Variants in CNTNAP3 observed in about 807,000 individuals in gnomAD.
CNTNAP3 encodes contactin associated protein family member 3.
Under a neutral mutation model 92.1 loss-of-function variants are expected in CNTNAP3, and 36 were observed. That is an observed-to-expected ratio of 0.39 (90% CI 0.30 to 0.52). CNTNAP3 has a LOEUF of 0.52. Ranked by LOEUF, CNTNAP3 falls within the 20% of genes least tolerant of loss-of-function variation. CNTNAP3 has a pLI of 0.76. For synonymous variants in CNTNAP3, 232 were observed against 422.3 expected, an observed-to-expected ratio of 0.55 and a Z score of 5.53; for missense variants, 534 against 1,069.6, an observed-to-expected ratio of 0.50 and a Z score of 6.98.
chr9:39,162,871 TCATTA>T (rs1339090327), intron 9 of CNTNAP3, among the ~76,000 whole-genome samples: 1 of 143,236 alleles, frequency 7.0e-6, no homozygotes, highest in Non-Finnish European at 1.5e-5. Context: ...GGTACTATGC[TCATTA>T]CCTGGGTGAT....
chr9:39,108,849 C>A (rs1826670632), intron 15 of CNTNAP3, among the ~76,000 whole-genome samples: 1 of 152,112 alleles, frequency 6.6e-6, no homozygotes. Flanking sequence ...GAATAAATAT[C>A]CCTTAGAATT....
chr9:39,175,642 C>A (rs1288243122), intron 7 of CNTNAP3, among the ~76,000 whole-genome samples: 2 of 143,454 alleles, frequency 1.4e-5, no homozygotes, highest in Non-Finnish European at 3.1e-5. Flanking sequence ...ATTAGCTGGG[C>A]ATGGTGGCGG....
chr9:39,240,177 G>T (rs1822753886), intron 2 of CNTNAP3, among the ~76,000 whole-genome samples: 1 of 17,740 alleles, frequency 5.6e-5, no homozygotes, highest in Non-Finnish European at 1.5e-4. Context: ...CTTACCTGAA[G>T]GCTCTGATAG....
Position 39,132,792 on chromosome 9 carries a change from A to C in CNTNAP3, c.2080+140T>G, listed in dbSNP as rs539314279. 110 of 997,642 alleles carry C rather than the reference A, an allele frequency of 1.1e-4. No homozygotes were observed. In the African/African-American group the frequency reaches 1.4e-3, roughly 13 times the overall value. The allele number at this position is 997,642 out of a possible 1,614,324, so 61.8% of individuals were successfully genotyped here. The stretch of plus-strand genomic sequence containing the variant: ...CTCTTTGGTCCAACCAAGAGCGGGA[A>C]GAGAAGGAGAGAGTGGTCAGGGCTT... On this transcript the variant is annotated intron_variant, in intron 13 of 23. Coordinates refer to ENST00000297668, the MANE Select transcript of CNTNAP3 (RefSeq NM_033655.5).
At chr9:39,090,105 A>C (rs1217578686) in intron 18 of CNTNAP3, among the ~76,000 whole-genome samples, 1 of 151,972 alleles carries the variant, frequency 6.6e-6, no homozygotes, top group African/African-American at 2.4e-5. Flanking sequence ...ACGCGTGGCT[A>C]ATTTTTTGTA....
chr9:39,113,479 C>A (rs1288204633), intron 14 of CNTNAP3, among the ~76,000 whole-genome samples: 1 of 151,852 alleles, frequency 6.6e-6, no homozygotes, highest in Non-Finnish European at 1.5e-5. Flanking sequence ...ACCATAAATT[C>A]AGCAAACTTA....
At chr9:39,117,094 C>A (rs1339085344) in intron 14 of CNTNAP3, among the ~76,000 whole-genome samples, 1 of 151,960 alleles carries the variant, frequency 6.6e-6, no homozygotes, top group Non-Finnish European at 1.5e-5. Flanking sequence ...CTGGGTTAAG[C>A]AATTCTCCTG....
At chr9:39,124,795 A>G (rs1481379110) in intron 13 of CNTNAP3, among the ~76,000 whole-genome samples, 1 of 152,230 alleles carries the variant, frequency 6.6e-6, no homozygotes, top group Non-Finnish European at 1.5e-5. Context: ...ATGCAAATCA[A>G]AACTACAATG....
chr9:39,101,782 G>A (rs1182231236), intron 17 of CNTNAP3, among the ~76,000 whole-genome samples: 2 of 151,240 alleles, frequency 1.3e-5, no homozygotes, highest in Admixed American at 6.6e-5. Flanking sequence ...TGAAACTGAA[G>A]GAATGGATAA....
chr9:39,108,195 TGG>T (rs1316492940), intron 15 of CNTNAP3, among the ~76,000 whole-genome samples: 1 of 151,844 alleles, frequency 6.6e-6, no homozygotes. Context: ...ACACACACAG[TGG>T]GTAGGTCTGC....
Position 39,118,090 on chromosome 9 carries a change from A to T in CNTNAP3, c.2237+13T>A. 1 of 1,598,582 alleles carries T rather than the reference A, an allele frequency of 6.3e-7. No homozygotes were observed. The highest frequency in any genetic ancestry group is 2.2e-5 in the East Asian group (1 of 44,730). ...AACCACATTTTTGTGCAGGGAAATC[A>T]TGTGGAAATCACCATTCATTCCGGC... On this transcript the variant is annotated intron_variant, in intron 14 of 23. Coordinates refer to ENST00000297668, the MANE Select transcript of CNTNAP3 (RefSeq NM_033655.5).
At chr9:39,146,517 G>A (rs1259945663) in intron 10 of CNTNAP3, among the ~76,000 whole-genome samples, 3 of 150,876 alleles carry the variant, frequency 2.0e-5, no homozygotes, top group Admixed American at 6.6e-5. Flanking sequence ...GTGAAACCCC[G>A]TCTTTACTAA....
At chr9:39,093,804 T>G (rs1167213589) in intron 18 of CNTNAP3, among the ~76,000 whole-genome samples, 1 of 151,550 alleles carries the variant, frequency 6.6e-6, no homozygotes, top group African/African-American at 2.4e-5. Context: ...CTATTGTGAT[T>G]AGTGCTACTA....
At position 39,066,174 on chromosome 9, in the gene CNTNAP3, C is replaced by G. The variant is rs922318835; in HGVS notation, c.*7716G>C. Among the ~76,000 whole-genome samples, 14 of 152,202 alleles carry G rather than the reference C, an allele frequency of 9.2e-5. No individual in the cohort carries two copies. Among genetic ancestry groups the G allele is most frequent in the African/African-American group, 3.4e-4 (14 of 41,444 alleles). On this transcript the variant is annotated 3_prime_UTR_variant, in exon 24 of 24. Coordinates refer to ENST00000297668, the MANE Select transcript of CNTNAP3 (RefSeq NM_033655.5). ...CATTTGCTTTAGGGATTACACCATA[C>G]AGATGTTTTAACTTAAAGATAACTT...
At position 39,066,551 on chromosome 9, in the gene CNTNAP3, A is replaced by C. The variant is rs1259068597; in HGVS notation, c.*7339T>G. On this transcript the variant is annotated 3_prime_UTR_variant, in exon 24 of 24. Coordinates refer to ENST00000297668, the MANE Select transcript of CNTNAP3 (RefSeq NM_033655.5). ...CTCATAGTCCAGGTTTGCTGATAAT[A>C]TATTACTTTTAACTTTTCTATGTCT... Among the ~76,000 whole-genome samples the C allele has an allele frequency of 1.3e-5, 2 of 152,242 alleles. No homozygotes were observed. The highest frequency in any genetic ancestry group is 2.9e-5 in the Non-Finnish European group (2 of 68,036).
chr9:39,146,901 G>A (rs142060629), intron 10 of CNTNAP3, among the ~76,000 whole-genome samples: 245 of 152,178 alleles, frequency 1.6e-3, no homozygotes, highest in African/African-American at 5.4e-3. Context: ...TTAGTGATAC[G>A]GTTTGGCTGT....
chr9:39,123,536 C>T (rs1242510954), intron 13 of CNTNAP3, among the ~76,000 whole-genome samples: 2 of 151,756 alleles, frequency 1.3e-5, no homozygotes, highest in African/African-American at 4.8e-5. Flanking sequence ...AGACATGAAA[C>T]CATAGGTTCA....
intron 15 of CNTNAP3, among the ~76,000 whole-genome samples, chr9:39,107,915 G>T (rs1826646171): frequency 6.6e-6 from 1 of 152,090 alleles, no homozygotes; most frequent in Non-Finnish European, 1.5e-5. Context: ...TTAATGCCAA[G>T]GCATATTCTG....
Position 39,255,737 on chromosome 9 carries a change from G to A in CNTNAP3, c.196+11159C>T, listed in dbSNP as rs1466890047. On this transcript the variant is annotated intron_variant, in intron 2 of 23. Transcript: ENST00000297668. ...CTCTTTCACCTTCCCAAATGAAAAC[G>A]CTGAACCCACTAACAATAACCTCCA... Among the ~76,000 whole-genome samples, 21 of 33,318 alleles carry A rather than the reference G, an allele frequency of 6.3e-4. 2 individuals carry two copies. Among genetic ancestry groups the A allele is most frequent in the African/African-American group, 1.1e-3 (19 of 17,612 alleles). 21.9% of individuals were successfully genotyped at this position (33,318 alleles called of 152,430 possible). A position where few individuals can be genotyped will look rare whatever the true frequency, so the allele number is the denominator to read the frequency against.
Sources: allele counts gnomAD v4.1 joint callset (sites outside exome capture counted in the v4.1 genomes callset), GRCh38; gene constraint gnomAD v4.1.1; transcripts MANE v1.5; gene names NCBI Gene and HGNC (gene_info 2026-07-23, HGNC 2026-07-21).